SLC14A2: variants seen among roughly 807,000 people sequenced by gnomAD.
The protein encoded by SLC14A2 is solute carrier family 14 member 2.
In SLC14A2, 91 loss-of-function variants were observed where a neutral mutation model predicts 104.6. The observed-to-expected ratio is 0.87, with a 90% CI of 0.73 to 1.04. SLC14A2 has a LOEUF of 1.04. Among genes scored for constraint, SLC14A2 ranks in the 50% least tolerant of loss-of-function variants. SLC14A2 has a pLI of 0.00. For synonymous variants in SLC14A2, 476 were observed against 466.4 expected, an observed-to-expected ratio of 1.02 and a Z score of -0.27; for missense variants, 1,189 against 1,156.0, an observed-to-expected ratio of 1.03 and a Z score of -0.41.
intron 1 of SLC14A2, chr18:45,482,736 G>A (rs2087519275): frequency 6.6e-6 from 1 of 152,186 alleles, no homozygotes. Context: ...TCCCAACACT[G>A]TGATATTCAA....
the SLC14A2 span, among the ~76,000 whole-genome samples, chr18:45,174,682 G>A: frequency 6.6e-6 from 1 of 152,260 alleles, no homozygotes; most frequent in African/African-American, 2.4e-5. Context: ...AACGGGTCTT[G>A]ACCAAAAACA....
At chr18:45,363,833 TGGG>T (rs112726718) in intron 1 of SLC14A2, among the ~76,000 whole-genome samples, 7,848 of 152,068 alleles carry the variant, frequency 0.052, 395 homozygotes, top group African/African-American at 0.13. Flanking sequence ...ACGCTGGGGA[TGGG>T]GGAAAGTCAC....
chr18:45,264,906 C>G (rs1729300143), intron 1 of SLC14A2, among the ~76,000 whole-genome samples: 1 of 152,132 alleles, frequency 6.6e-6, no homozygotes, highest in Non-Finnish European at 1.5e-5. Context: ...GTACTGTTCT[C>G]TGTGCTGGCC....
At chr18:45,325,671 C>T (rs571980986) in intron 1 of SLC14A2, among the ~76,000 whole-genome samples, 61 of 152,146 alleles carry the variant, frequency 4.0e-4, no homozygotes, top group South Asian at 2.5e-3. Flanking sequence ...TCGTAACAGC[C>T]GTGTTTAATG....
Position 45,620,675 on chromosome 18 carries a change from C to T in SLC14A2, c.-34-3956C>T, listed in dbSNP as rs192413243. ...TTTTCATCAAAAGAAATATAAAAATCTTTAAATTCTTACGGTTAGGAAATA... is the reference window on the plus strand; with the variant it reads ...TTTTCATCAAAAGAAATATAAAAATTTTTAAATTCTTACGGTTAGGAAATA... On this transcript the variant is annotated intron_variant, in intron 1 of 19. Transcript: ENST00000255226. Among the ~76,000 whole-genome samples, 25 of 152,154 alleles carry T rather than the reference C, an allele frequency of 1.6e-4. No individual in the cohort carries two copies. In the East Asian group the frequency reaches 4.3e-3, roughly 26 times the overall value.
chr18:45,552,939 A>G (rs888432), intron 2 of SLC14A2, among the ~76,000 whole-genome samples: 81,628 of 152,004 alleles, frequency 0.54, 24,652 homozygotes, highest in African/African-American at 0.84. Context: ...AATTTAGGAG[A>G]ACCTAATATT....
At position 45,256,742 on chromosome 18, in the gene SLC14A2, A is replaced by G. The variant is rs538394675; in HGVS notation, c.-125+43551A>G. On this transcript the variant is annotated intron_variant, in intron 1 of 20. Coordinates refer to the SLC14A2 transcript ENST00000586448. The stretch of plus-strand genomic sequence containing the variant: ...AATTGATGACCAAAATCAGAACCTA[A>G]TGGTTTACAGTTTTTACTTCTCAAA... Among the ~76,000 whole-genome samples, 16 of 152,340 alleles carry G rather than the reference A, an allele frequency of 1.1e-4. No homozygotes were observed. The South Asian group carries it at 3.1e-3, about 30-fold the overall frequency.
chr18:45,667,034 G>T lies in SLC14A2; in HGVS notation c.1657G>T (p.Val553Phe). The change falls in exon 13 of 20, where the codon GTC becomes TTC. Residue 553 changes from valine to phenylalanine, a missense_variant. Transcript: ENST00000255226. Reference sequence around the variant, plus strand: ...TTCCATGGCTGCCAGTGGGAAAAGGGTCAGCAAAGCCCTCAGCTACATCAC... The same window carrying T: ...TTCCATGGCTGCCAGTGGGAAAAGGTTCAGCAAAGCCCTCAGCTACATCAC... ...RSSMAASGKR[V>F]SKALSYITGE... 6.2e-7 allele frequency: 1 copy of T among 1,613,970 alleles called. No homozygotes were observed. The highest frequency in any genetic ancestry group is 8.5e-7 in the Non-Finnish European group (1 of 1,179,868).
intron 1 of SLC14A2, among the ~76,000 whole-genome samples, chr18:45,231,639 C>A (rs573157531): frequency 3.9e-4 from 59 of 152,334 alleles, no homozygotes; most frequent in African/African-American, 1.3e-3. Context: ...ATGCCCAATT[C>A]ATTGTCTTCA....
intron 1 of SLC14A2, among the ~76,000 whole-genome samples, chr18:45,314,786 T>C (rs1341917386): frequency 2.6e-5 from 4 of 152,194 alleles, no homozygotes; most frequent in African/African-American, 9.7e-5. Flanking sequence ...AAATTAATAG[T>C]ACTAGCAATA....
At chr18:45,648,840 C>G (rs1248476688) in intron 10 of SLC14A2, among the ~76,000 whole-genome samples, 1 of 151,912 alleles carries the variant, frequency 6.6e-6, no homozygotes, top group African/African-American at 2.4e-5. Context: ...TCATGATACT[C>G]CCTCTTTCTT....
intron 1 of SLC14A2, among the ~76,000 whole-genome samples, chr18:45,398,140 G>T (rs935307183): frequency 6.6e-6 from 1 of 152,118 alleles, no homozygotes; most frequent in African/African-American, 2.4e-5. Context: ...GACTCAGAGG[G>T]ACTAAATGAA....
chr18:45,288,506 C>T (rs2084837629), intron 1 of SLC14A2, among the ~76,000 whole-genome samples: 1 of 152,172 alleles, frequency 6.6e-6, no homozygotes, highest in African/African-American at 2.4e-5. Context: ...TTCTGGTGCC[C>T]TGGCAGCTTC....
intron 3 of SLC14A2, 93 bp from the exon 4 acceptor site, chr18:45,626,865 C>A (rs1299103665): frequency 6.0e-6 from 6 of 1,006,528 alleles, no homozygotes; most frequent in Admixed American, 3.9e-5. Context: ...CTGGCTTGCA[C>A]ATTCCTGTTT....
At chr18:45,224,757 C>G (rs1435191401) in intron 1 of SLC14A2, among the ~76,000 whole-genome samples, 1 of 152,150 alleles carries the variant, frequency 6.6e-6, no homozygotes, top group Admixed American at 6.5e-5. Flanking sequence ...CAAGTTCATA[C>G]AGCTAGTAAG....
At chr18:45,367,196 C>A (rs1023079881) in intron 1 of SLC14A2, among the ~76,000 whole-genome samples, 7 of 152,150 alleles carry the variant, frequency 4.6e-5, no homozygotes, top group Admixed American at 4.6e-4. Flanking sequence ...TCCACCTTTT[C>A]ATTTTACAAT....
intron 18 of SLC14A2, 93 bp from the exon 19 acceptor site, chr18:45,678,882 A>G (rs2046268075): frequency 8.5e-7 from 1 of 1,182,018 alleles, no homozygotes; most frequent in African/African-American, 1.5e-5. Flanking sequence ...CATTTGTGGC[A>G]TAAAATTGAT....
chr18:45,562,323 C>G (rs1383641321), intron 2 of SLC14A2, among the ~76,000 whole-genome samples: 1 of 152,188 alleles, frequency 6.6e-6, no homozygotes, highest in Non-Finnish European at 1.5e-5. Context: ...TAGAGAAGAG[C>G]TGAAGGTAGA....
chr18:45,173,720 C>T, the SLC14A2 span, among the ~76,000 whole-genome samples: 3 of 152,082 alleles, frequency 2.0e-5, no homozygotes, highest in Non-Finnish European at 4.4e-5. Context: ...GTGATAACTA[C>T]TATTTAAAAG....
Sources: allele counts gnomAD v4.1 joint callset (sites outside exome capture counted in the v4.1 genomes callset), GRCh38; gene constraint gnomAD v4.1.1; transcripts MANE v1.5; gene names NCBI Gene and HGNC (gene_info 2026-07-23, HGNC 2026-07-21).